GRM7: variants seen among roughly 807,000 people sequenced by gnomAD.
GRM7 encodes the protein metabotropic glutamate receptor 7.
GRM7 carries 35 observed loss-of-function variants against 84.5 expected under a neutral mutation model. That is an observed-to-expected ratio of 0.41 (90% CI 0.32 to 0.55). The LOEUF is 0.55. Ranked by LOEUF, GRM7 falls within the 20% of genes least tolerant of loss-of-function variation. The probability of loss-of-function intolerance (pLI) is 0.19; values close to 1 mark genes in which losing one functional copy is unlikely to be tolerated. For synonymous variants in GRM7, 487 were observed against 455.1 expected (o/e 1.07, Z -0.89); for missense variants, 1,003 against 1,194.6 (o/e 0.84, Z 2.36).
chr3:7,035,768 G>C (rs1696365274), intron 1 of GRM7, among the ~76,000 whole-genome samples: 1 of 152,006 alleles, frequency 6.6e-6, no homozygotes, highest in Non-Finnish European at 1.5e-5. Context: ...ATGTATCAAA[G>C]ATTTGGGGAC....
intron 2 of GRM7, among the ~76,000 whole-genome samples, chr3:7,235,572 C>T (rs971134697): frequency 6.6e-6 from 1 of 152,158 alleles, no homozygotes; most frequent in African/African-American, 2.4e-5. Flanking sequence ...TTGATCTAAG[C>T]CACCAAGGAA....
intron 1 of GRM7, among the ~76,000 whole-genome samples, chr3:6,956,882 A>T (rs967237640): frequency 6.6e-6 from 1 of 152,230 alleles, no homozygotes; most frequent in African/African-American, 2.4e-5. Flanking sequence ...ACCCCATGGT[A>T]ATGAACACAT....
At chr3:7,738,597 T>C (rs1702580831) in intron 9 of GRM7, among the ~76,000 whole-genome samples, 3 of 152,238 alleles carry the variant, frequency 2.0e-5, no homozygotes, top group African/African-American at 7.2e-5. Context: ...TAGTGTTTTA[T>C]AGTAATCAAT....
At chr3:7,267,087 G>A (rs1698669457) in intron 2 of GRM7, among the ~76,000 whole-genome samples, 1 of 152,138 alleles carries the variant, frequency 6.6e-6, no homozygotes, top group Non-Finnish European at 1.5e-5. Flanking sequence ...CTATTTCTGT[G>A]TATTTGGAAT....
chr3:6,977,365 C>CTG lies in GRM7; in HGVS notation c.519+115472_519+115473dup, dbSNP rs145487785. On this transcript the variant is annotated intron_variant, in intron 1 of 9. Transcript: ENST00000357716. ...GTTAAGCTGGCGTGTGTGTGTTTGTCTGTGTGTGTGTGTGTCTGTGTGCGT... is the reference window on the plus strand; with the variant it reads ...GTTAAGCTGGCGTGTGTGTGTTTGTCTGTGTGTGTGTGTGTGTCTGTGTGCGT... 4.0e-5 allele frequency among the ~76,000 whole-genome samples: 6 copies of CTG among 150,892 alleles called. 1 individual carries two copies. The highest frequency in any genetic ancestry group is 4.2e-4 in the South Asian group (2 of 4,784).
chr3:6,927,175 C>A (rs1247806310), intron 1 of GRM7, among the ~76,000 whole-genome samples: 1 of 152,094 alleles, frequency 6.6e-6, no homozygotes, highest in East Asian at 1.9e-4. Context: ...TTCCTGTAAT[C>A]CCAGCACTTT....
chr3:7,281,145 C>A (rs905283120), intron 2 of GRM7, among the ~76,000 whole-genome samples: 9 of 152,264 alleles, frequency 5.9e-5, no homozygotes, highest in African/African-American at 1.9e-4. Flanking sequence ...TGATTCCATG[C>A]ACTCGGGTAT....
chr3:7,309,291 C>G (rs565187028), intron 4 of GRM7, among the ~76,000 whole-genome samples: 3 of 151,956 alleles, frequency 2.0e-5, no homozygotes, highest in Non-Finnish European at 4.4e-5. Flanking sequence ...AGCTTCTGAA[C>G]AAAACTATGA....
At chr3:7,175,360 A>C (rs1399858820) in intron 2 of GRM7, among the ~76,000 whole-genome samples, 2 of 152,196 alleles carry the variant, frequency 1.3e-5, no homozygotes, top group Non-Finnish European at 2.9e-5. Context: ...TGAGTTATTT[A>C]TTCATGTTTT....
chr3:7,615,390 A>ATT (rs1414187037), intron 8 of GRM7, among the ~76,000 whole-genome samples: 2 of 151,512 alleles, frequency 1.3e-5, no homozygotes, highest in African/African-American at 4.9e-5. Context: ...AGTTCCATAC[A>ATT]TTTCTGGTTT....
At chr3:7,349,779 T>C (rs1381358721) in intron 4 of GRM7, among the ~76,000 whole-genome samples, 3 of 152,196 alleles carry the variant, frequency 2.0e-5, no homozygotes, top group African/African-American at 7.2e-5. Flanking sequence ...AGGGTATAGA[T>C]GAAATGATTA....
chr3:7,240,352 T>A (rs1697511761), intron 2 of GRM7, among the ~76,000 whole-genome samples: 1 of 151,856 alleles, frequency 6.6e-6, no homozygotes, highest in Non-Finnish European at 1.5e-5. Context: ...TTGTTTTTTT[T>A]TTAATCAGAA....
chr3:7,113,525 C>G (rs1692929919), intron 1 of GRM7, among the ~76,000 whole-genome samples: 1 of 152,164 alleles, frequency 6.6e-6, no homozygotes, highest in Non-Finnish European at 1.5e-5. Context: ...GCTGGGATTA[C>G]AGGCATGACT....
intron 1 of GRM7, among the ~76,000 whole-genome samples, chr3:7,054,340 G>A (rs1462788714): frequency 6.7e-6 from 1 of 148,316 alleles, no homozygotes; most frequent in Non-Finnish European, 1.5e-5. Flanking sequence ...TCTAATATAT[G>A]ATGATATATA....
At chr3:7,198,185 C>T (rs1000960215) in intron 2 of GRM7, among the ~76,000 whole-genome samples, 8 of 148,122 alleles carry the variant, frequency 5.4e-5, no homozygotes, top group African/African-American at 1.7e-4. Flanking sequence ...AGATGGAAAA[C>T]AGGCACACTA....
chr3:7,466,256 G>A (rs1257269011), intron 7 of GRM7, among the ~76,000 whole-genome samples: 1 of 152,224 alleles, frequency 6.6e-6, no homozygotes, highest in East Asian at 1.9e-4. Flanking sequence ...CACAGTCTAG[G>A]TAGGGTAAGG....
intron 2 of GRM7, among the ~76,000 whole-genome samples, chr3:7,213,645 C>T (rs116326540): frequency 0.016 from 2,452 of 152,188 alleles, 65 homozygotes; most frequent in African/African-American, 0.056. Flanking sequence ...TAGAGGAAGA[C>T]GATGAACTTC....
intron 1 of GRM7, among the ~76,000 whole-genome samples, chr3:7,107,150 T>C (rs1692683100): frequency 6.6e-6 from 1 of 151,984 alleles, no homozygotes; most frequent in Non-Finnish European, 1.5e-5. Context: ...CAGCAAACTG[T>C]TACTGAGCAC....
At chr3:7,684,255 C>G (rs887248248) in intron 9 of GRM7, among the ~76,000 whole-genome samples, 1 of 152,102 alleles carries the variant, frequency 6.6e-6, no homozygotes, top group Non-Finnish European at 1.5e-5. Flanking sequence ...TGAATTTAAG[C>G]TGACTGGTTA....
Sources: allele counts gnomAD v4.1 joint callset (sites outside exome capture counted in the v4.1 genomes callset), GRCh38; gene constraint gnomAD v4.1.1; transcripts MANE v1.5; gene names NCBI Gene and HGNC (gene_info 2026-07-23, HGNC 2026-07-21).